SETBP1: variants seen among roughly 807,000 people sequenced by gnomAD.
SETBP1 encodes the protein SET binding protein 1, also known as SET-binding protein.
SETBP1 carries 9 observed loss-of-function variants against 101.0 expected under a neutral mutation model. The ratio of observed to expected loss-of-function variants is 0.09; its 90% CI spans 0.05 to 0.16. SETBP1 has a LOEUF of 0.16. Among genes scored for constraint, SETBP1 ranks in the 10% least tolerant of loss-of-function variants. The probability of loss-of-function intolerance (pLI) is 1.00; values close to 1 mark genes in which losing one functional copy is unlikely to be tolerated. For synonymous variants in SETBP1, 818 were observed against 788.5 expected, an observed-to-expected ratio of 1.04 and a Z score of -0.63; for missense variants, 1,858 against 2,033.8, an observed-to-expected ratio of 0.91 and a Z score of 1.66.
intron 2 of SETBP1, among the ~76,000 whole-genome samples, chr18:44,768,214 A>T (rs1047741144): frequency 2.6e-5 from 4 of 152,112 alleles, no homozygotes; most frequent in Non-Finnish European, 5.9e-5. Flanking sequence ...TTGCCAAGAG[A>T]TTGTTAAGTG....
intron 2 of SETBP1, among the ~76,000 whole-genome samples, chr18:44,809,084 G>A (rs1233033728): frequency 6.6e-6 from 1 of 152,186 alleles, no homozygotes; most frequent in Non-Finnish European, 1.5e-5. Context: ...GAAGGTTCGT[G>A]TGTGGTCAAC....
chr18:44,862,542 A>G (rs2069037943), intron 2 of SETBP1, among the ~76,000 whole-genome samples: 2 of 152,094 alleles, frequency 1.3e-5, no homozygotes, highest in Admixed American at 1.3e-4. Context: ...TGCCTTGGCC[A>G]TTTGAACTAA....
At chr18:44,958,951 A>C (rs911215110) in intron 4 of SETBP1, among the ~76,000 whole-genome samples, 1 of 152,178 alleles carries the variant, frequency 6.6e-6, no homozygotes, top group Non-Finnish European at 1.5e-5. Flanking sequence ...GAATTAATCA[A>C]ATTAAATGAT....
chr18:44,824,274 C>T (rs995758350), intron 2 of SETBP1, among the ~76,000 whole-genome samples: 1 of 152,148 alleles, frequency 6.6e-6, no homozygotes, highest in Admixed American at 6.5e-5. Context: ...TTGAGCCCAC[C>T]CAACAGTGCA....
At chr18:45,049,785 A>G (rs11659618) in intron 5 of SETBP1, among the ~76,000 whole-genome samples, 3,062 of 152,260 alleles carry the variant, frequency 0.02, 44 homozygotes, top group South Asian at 0.031. Context: ...ATCTGCAGTA[A>G]TATCTTCCGT....
At chr18:44,730,102 C>T (rs1424227039) in intron 2 of SETBP1, among the ~76,000 whole-genome samples, 1 of 152,202 alleles carries the variant, frequency 6.6e-6, no homozygotes, top group African/African-American at 2.4e-5. Context: ...CGGCTGAGAC[C>T]TTATCTGCCC....
At chr18:44,886,680 GA>G (rs2069654674) in intron 3 of SETBP1, among the ~76,000 whole-genome samples, 1 of 151,514 alleles carries the variant, frequency 6.6e-6, no homozygotes, top group Non-Finnish European at 1.5e-5. Flanking sequence ...CAGAAATAAT[GA>G]AAAAACTCAC....
intron 3 of SETBP1, among the ~76,000 whole-genome samples, chr18:44,889,179 T>C (rs2069713424): frequency 6.6e-6 from 1 of 152,146 alleles, no homozygotes; most frequent in Non-Finnish European, 1.5e-5. Flanking sequence ...ATGCTTTTAG[T>C]ATTTCTCTGA....
chr18:44,685,287 T>A (rs921648313), intron 1 of SETBP1, among the ~76,000 whole-genome samples: 3 of 152,242 alleles, frequency 2.0e-5, no homozygotes, highest in African/African-American at 7.2e-5. Flanking sequence ...ACTTATCTTT[T>A]CCCACCAAAA....
intron 4 of SETBP1, among the ~76,000 whole-genome samples, chr18:45,025,972 G>A (rs1191443592): frequency 1.3e-5 from 2 of 152,090 alleles, no homozygotes; most frequent in African/African-American, 4.8e-5. Context: ...TTTTTTCAAT[G>A]TGGCTTCTAA....
chr18:44,730,423 A>G (rs911126176), intron 2 of SETBP1, among the ~76,000 whole-genome samples: 1 of 152,202 alleles, frequency 6.6e-6, no homozygotes, highest in African/African-American at 2.4e-5. Context: ...AGAACATGCG[A>G]TCTGCTATAC....
At chr18:44,896,462 G>A (rs906039699) in intron 3 of SETBP1, among the ~76,000 whole-genome samples, 3 of 152,108 alleles carry the variant, frequency 2.0e-5, no homozygotes, top group Non-Finnish European at 2.9e-5. Context: ...TGTATTTGAA[G>A]ACAGACATCA....
At chr18:44,904,154 G>A (rs1302636744) in intron 3 of SETBP1, among the ~76,000 whole-genome samples, 1 of 152,180 alleles carries the variant, frequency 6.6e-6, no homozygotes, top group East Asian at 1.9e-4. Context: ...TTTTGGAGAT[G>A]AGGCTTAGTG....
intron 4 of SETBP1, among the ~76,000 whole-genome samples, chr18:44,975,983 A>T (rs1216159881): frequency 1.3e-5 from 2 of 151,958 alleles, no homozygotes; most frequent in Non-Finnish European, 2.9e-5. Context: ...TGTCTACCTT[A>T]AGGAATTATT....
chr18:45,037,354 C>A (rs2073418361), intron 4 of SETBP1, among the ~76,000 whole-genome samples: 1 of 152,094 alleles, frequency 6.6e-6, no homozygotes, highest in Admixed American at 6.6e-5. Flanking sequence ...TGACCCTTTG[C>A]TTGCTGGTTA....
chr18:44,742,778 C>A (rs1170384443), intron 2 of SETBP1, among the ~76,000 whole-genome samples: 2 of 152,148 alleles, frequency 1.3e-5, no homozygotes, highest in Admixed American at 6.5e-5. Flanking sequence ...AGAGCTCTGC[C>A]TCAGAGTTGA....
chr18:44,792,860 G>GAA (rs369042925), intron 2 of SETBP1, among the ~76,000 whole-genome samples: 1 of 144,204 alleles, frequency 6.9e-6, no homozygotes. Context: ...TAATCTAGGA[G>GAA]AAAAAAAAAA....
chr18:44,698,411 A>T (rs992548645), intron 1 of SETBP1, among the ~76,000 whole-genome samples: 23 of 152,220 alleles, frequency 1.5e-4, no homozygotes, highest in Admixed American at 7.9e-4. Flanking sequence ...AAGGAAGTTC[A>T]TGACTTTGCC....
chr18:45,037,796 C>A (rs1052151682), intron 4 of SETBP1, among the ~76,000 whole-genome samples: 2 of 152,162 alleles, frequency 1.3e-5, no homozygotes, highest in African/African-American at 4.8e-5. Flanking sequence ...CAAATCAGCT[C>A]TCCTTACCCT....
Sources: gnomAD v4.1 joint callset for allele counts (sites outside exome capture counted in the v4.1 genomes callset) on GRCh38, gnomAD v4.1.1 for gene constraint, MANE v1.5 for transcripts, NCBI Gene and HGNC (gene_info 2026-07-23, HGNC 2026-07-21) for gene names.